The following TET2 variants were observed in gnomAD, a reference collection of about 807,000 sequenced individuals.
TET2 encodes the protein tet methylcytosine dioxygenase 2.
A neutral mutation model predicts 142.9 loss-of-function variants in TET2; 299 were observed. The observed-to-expected ratio is 2.09, with a 90% confidence interval of 1.90 to 2.30. TET2 has a LOEUF of 2.30. TET2 is among the 30% of genes most tolerant of loss of function. The probability of loss-of-function intolerance (pLI) is 0.00; values close to 1 mark genes in which losing one functional copy is unlikely to be tolerated. For missense variants in TET2, 2,418 were observed against 2,378.0 expected, an observed-to-expected ratio of 1.02 and a Z score of -0.35; for synonymous variants, 819 against 849.0, an observed-to-expected ratio of 0.96 and a Z score of 0.61.
At chr4:105,230,365 G>T (rs1046807504) in intron 2 of TET2, among the ~76,000 whole-genome samples, 2 of 152,090 alleles carry the variant, frequency 1.3e-5, no homozygotes, top group Non-Finnish European at 2.9e-5. Context: ...TTCTTAAAAG[G>T]GTCAAGGAAA....
At chr4:105,181,244 T>G (rs1725106286) in intron 1 of TET2, among the ~76,000 whole-genome samples, 3 of 152,360 alleles carry the variant, frequency 2.0e-5, no homozygotes, top group Admixed American at 2.0e-4. Flanking sequence ...GTCTGTATAG[T>G]AGTGGTTTGT....
At chr4:105,203,464 C>A (rs1726596587) in intron 2 of TET2, among the ~76,000 whole-genome samples, 1 of 151,830 alleles carries the variant, frequency 6.6e-6, no homozygotes, top group African/African-American at 2.4e-5. Context: ...AGACAAAGGT[C>A]TTTGTATACA....
Position 105,246,601 on chromosome 4 carries a change from A to G in TET2, c.3803+2823A>G, listed in dbSNP as rs868694536. 5.2e-5 allele frequency among the ~76,000 whole-genome samples: 8 copies of G among 152,388 alleles called. 1 individual carries two copies. The highest frequency in any genetic ancestry group is 4.1e-4 in the South Asian group (2 of 4,832). ...TAAAATAGACACGTATCCAATGTCA[A>G]TACAGACTTTACTCAGAAATAGCTT... On this transcript the variant is annotated intron_variant, in intron 6 of 10. Transcript: ENST00000380013.
intron 1 of TET2, among the ~76,000 whole-genome samples, chr4:105,184,746 T>G (rs989372983): frequency 3.3e-5 from 5 of 152,152 alleles, no homozygotes; most frequent in Non-Finnish European, 7.3e-5. Context: ...TGTGTATTTA[T>G]GTGTGTACTC....
In TET2 at chr4:105,236,571, G is replaced by A; in HGVS notation, c.2629G>A (p.Asp877Asn). Residue 877 changes from aspartate (D) to asparagine (N), a missense_variant, in exon 3 of 11, where the codon GAT becomes AAT. Asp to Asn is a conservative substitution (Grantham distance 23). Coordinates refer to ENST00000380013, the MANE Select transcript of TET2 (RefSeq NM_001127208.3). ...TCCAAATAATGTGATCCCAAAGCAA[G>A]ATCTTCTTCACAGGTGCTTTCAAGA... ...YFPNNVIPKQ[D>N]LLHRCFQEQE... The A allele has an allele frequency of 6.2e-7, 1 of 1,614,082 alleles. No homozygotes were observed. The highest frequency in any genetic ancestry group is 1.7e-5 in the Admixed American group (1 of 59,988).
In TET2 at chr4:105,235,522, AC is replaced by A; in HGVS notation, c.1581del (p.Asp527GlufsTer6). 1 of 1,614,168 alleles carries A rather than the reference AC, an allele frequency of 6.2e-7. No individual in the cohort carries two copies. The highest frequency in any genetic ancestry group is 1.1e-5 in the South Asian group (1 of 91,084). The stretch of plus-strand genomic sequence containing the variant: ...TTTGGTAGCAGTGGAGAGCTACAGG[AC>A]AACTGCCAGCAGTTGATGAGAAACA... ...PIFGSSGELQDNCQQLMRNKE... is the reference protein window; with the variant it reads ...PIFGSSGELQXNCQQLMRNKE... On this transcript the variant is annotated frameshift_variant, in exon 3 of 11. Transcript: ENST00000380013. LOFTEE classifies it high-confidence loss of function.
rs571946584 is a variant in TET2, at chr4:105,268,928, G to A, written c.4045-682G>A. ...GCAGAGGTTGCAGTGAGCCCAGATC[G>A]TGCCACTGCACTCCAGCCTGGGTGA... On this transcript the variant is annotated intron_variant, in intron 8 of 10. Transcript: ENST00000380013. 5.3e-5 allele frequency among the ~76,000 whole-genome samples: 8 copies of A among 152,242 alleles called. 1 individual carries two copies. The highest frequency in any genetic ancestry group is 2.1e-4 in the South Asian group (1 of 4,822).
At chr4:105,272,236 A>G (rs1312176047) in intron 9 of TET2, among the ~76,000 whole-genome samples, 1 of 152,210 alleles carries the variant, frequency 6.6e-6, no homozygotes, top group Non-Finnish European at 1.5e-5. Context: ...GTGAAAAGCA[A>G]GAGAGTGCTT....
At chr4:105,159,597 C>G (rs1723743209) in intron 1 of TET2, among the ~76,000 whole-genome samples, 1 of 152,110 alleles carries the variant, frequency 6.6e-6, no homozygotes, top group South Asian at 2.1e-4. Context: ...ACTAGTCATG[C>G]CAAACCATTT....
intron 2 of TET2, among the ~76,000 whole-genome samples, chr4:105,216,428 T>C (rs1375093106): frequency 2.0e-5 from 3 of 152,186 alleles, no homozygotes; most frequent in African/African-American, 7.2e-5. Flanking sequence ...TCAGTGCTTG[T>C]CTTAACTGGT....
intron 1 of TET2, among the ~76,000 whole-genome samples, chr4:105,160,003 A>AG (rs534617903): frequency 9.4e-4 from 142 of 151,858 alleles, no homozygotes; most frequent in Non-Finnish European, 1.8e-3. Flanking sequence ...ACTCCGTCTC[A>AG]GAAAAAAAAA....
chr4:105,248,542 C>G (rs550731414), intron 6 of TET2, among the ~76,000 whole-genome samples: 9 of 151,694 alleles, frequency 5.9e-5, no homozygotes, highest in African/African-American at 2.2e-4. Context: ...CTGTCATGTG[C>G]TAATTCTAAC....
chr4:105,176,812 G>C (rs953567357), intron 1 of TET2, among the ~76,000 whole-genome samples: 1 of 152,154 alleles, frequency 6.6e-6, no homozygotes, highest in African/African-American at 2.4e-5. Context: ...AGCCAACTCA[G>C]TATTTGAGGA....
intron 1 of TET2, among the ~76,000 whole-genome samples, chr4:105,156,125 A>G (rs1723554999): frequency 6.6e-6 from 1 of 152,216 alleles, no homozygotes; most frequent in Non-Finnish European, 1.5e-5. Flanking sequence ...GTTGTTCACA[A>G]GTTTGAGTGT....
chr4:105,237,598 T>C, intron 3 of TET2: 1 of 1,462,258 alleles, frequency 6.8e-7, no homozygotes, highest in Non-Finnish European at 9.0e-7. Flanking sequence ...TTTCCCTCTC[T>C]TCAGATCCTG....
intron 2 of TET2, among the ~76,000 whole-genome samples, chr4:105,230,142 G>A (rs1448785683): frequency 6.6e-6 from 1 of 152,024 alleles, no homozygotes; most frequent in African/African-American, 2.4e-5. Context: ...CCTGGGTTCA[G>A]GTGATTCTTC....
At chr4:105,256,969 TTTAG>T (rs1730168414) in intron 6 of TET2, among the ~76,000 whole-genome samples, 1 of 152,192 alleles carries the variant, frequency 6.6e-6, no homozygotes, top group African/African-American at 2.4e-5. Context: ...GTAGTCTTAC[TTTAG>T]TTATTTAAAT....
At chr4:105,248,772 C>T (rs754566392) in intron 6 of TET2, among the ~76,000 whole-genome samples, 2 of 152,042 alleles carry the variant, frequency 1.3e-5, no homozygotes, top group Non-Finnish European at 2.9e-5. Flanking sequence ...TCATCATTCC[C>T]AGAAGGAAAC....
intron 6 of TET2, among the ~76,000 whole-genome samples, chr4:105,247,638 TTTTG>T (rs1729643026): frequency 1.2e-5 from 1 of 86,730 alleles, no homozygotes; most frequent in African/African-American, 7.9e-5. Flanking sequence ...ATCTTGGTTC[TTTTG>T]TTTACTTTAA....
Sources: gnomAD v4.1 joint callset for allele counts (sites outside exome capture counted in the v4.1 genomes callset) on GRCh38, gnomAD v4.1.1 for gene constraint, MANE v1.5 for transcripts, NCBI Gene and HGNC (gene_info 2026-07-23, HGNC 2026-07-21) for gene names.